The following CRY2 variants were observed in gnomAD, a reference collection of about 807,000 sequenced individuals.
CRY2 encodes the protein cryptochrome circadian regulator 2, also known as cryptochrome-2.
In CRY2, 31 loss-of-function variants were observed where a neutral mutation model predicts 69.5. The observed-to-expected ratio is 0.45, with a 90% confidence interval of 0.34 to 0.60. The LOEUF is 0.60. CRY2 is among the 20% of genes least tolerant of loss of function. CRY2 has a pLI of 0.02. For missense variants in CRY2, 606 were observed against 797.8 expected, an observed-to-expected ratio of 0.76 and a Z score of 2.90; for synonymous variants, 303 against 312.2, an observed-to-expected ratio of 0.97 and a Z score of 0.31.
rs747206003 is a variant in CRY2, at chr11:45,860,959, G to C, written c.579G>C (p.Gln193His). 1 of 1,614,142 alleles carries C rather than the reference G, an allele frequency of 6.2e-7. No individual in the cohort carries two copies. Among genetic ancestry groups the C allele is most frequent in the South Asian group, 1.1e-5 (1 of 91,084 alleles). Reference sequence around the variant, plus strand: ...CAGTGGGCTTGGTGACCAGCCAGCAGATGGAGAGCTGCAGGGCCGAGATCC... The same window carrying C: ...CAGTGGGCTTGGTGACCAGCCAGCACATGGAGAGCTGCAGGGCCGAGATCC... ...KKPVGLVTSQ[Q>H]MESCRAEIQE... is the part of the protein sequence containing the mutation. The change falls in exon 4 of 12, where the codon CAG (glutamine) becomes CAC (histidine). Residue 193 changes from glutamine (Q) to histidine (H), a missense_variant. Around this residue, in one of 5 missense-constraint regions of CRY2, gnomAD observed 382 missense variants for 508.9 expected, o/e 0.75. Transcript: ENST00000616080.
chr11:45,859,412 AT>A (rs1347734875), intron 3 of CRY2, among the ~76,000 whole-genome samples: 1 of 152,060 alleles, frequency 6.6e-6, no homozygotes, highest in East Asian at 1.9e-4. Flanking sequence ...AAATAAATAT[AT>A]TAGCCATGCA....
At chr11:45,853,538 A>G (rs1040394416) in intron 1 of CRY2, among the ~76,000 whole-genome samples, 1 of 152,186 alleles carries the variant, frequency 6.6e-6, no homozygotes, top group African/African-American at 2.4e-5. Context: ...GTGCATTCCA[A>G]CCTTATTTAT....
intron 3 of CRY2, 99 bp from the exon 4 acceptor site, chr11:45,860,749 A>G (rs2086281109): frequency 1.5e-6 from 2 of 1,369,604 alleles, no homozygotes; most frequent in African/African-American, 2.9e-5. Context: ...GAGGAAAGCC[A>G]CCCTCAAAGC....
At chr11:45,865,430 T>C (rs944443153) in intron 5 of CRY2, among the ~76,000 whole-genome samples, 5 of 152,214 alleles carry the variant, frequency 3.3e-5, no homozygotes, top group African/African-American at 1.2e-4. Context: ...CAAGTTTCAT[T>C]TAAAATAAAA....
At chr11:45,878,032 T>C (rs919658720) in intron 11 of CRY2, among the ~76,000 whole-genome samples, 3 of 152,226 alleles carry the variant, frequency 2.0e-5, no homozygotes, top group Non-Finnish European at 4.4e-5. Context: ...GGTGCCGAAG[T>C]CAACATATGT....
chr11:45,861,162 C>A, intron 4 of CRY2, 130 bp downstream of exon 4: 1 of 983,650 alleles, frequency 1.0e-6, no homozygotes, highest in Non-Finnish European at 1.5e-6. Flanking sequence ...AAATGGCAGT[C>A]ACTATTACTC....
chr11:45,877,731 A>AT (rs962522210), intron 11 of CRY2, among the ~76,000 whole-genome samples: 2 of 151,850 alleles, frequency 1.3e-5, no homozygotes, highest in African/African-American at 4.8e-5. Flanking sequence ...TGCTATCATC[A>AT]TTTTTTTGCA....
At chr11:45,863,374 T>C (rs2086303524) in intron 5 of CRY2, among the ~76,000 whole-genome samples, 1 of 152,002 alleles carries the variant, frequency 6.6e-6, no homozygotes, top group African/African-American at 2.4e-5. Flanking sequence ...GGATGTCCCT[T>C]AGGTCACCGA....
chr11:45,848,233 C>T (rs1482425196), intron 1 of CRY2, among the ~76,000 whole-genome samples: 1 of 152,162 alleles, frequency 6.6e-6, no homozygotes, highest in Non-Finnish European at 1.5e-5. Context: ...ACCGTCCTGC[C>T]TCTAGGGGTG....
At chr11:45,859,002 G>A (rs975661296) in intron 3 of CRY2, 129 bp downstream of exon 3, 3 of 1,169,730 alleles carry the variant, frequency 2.6e-6, no homozygotes, top group Non-Finnish European at 3.6e-6. Context: ...TCTTCTAGAA[G>A]CTGGAGGAGA....
intron 11 of CRY2, among the ~76,000 whole-genome samples, chr11:45,872,666 T>C (rs2086395421): frequency 6.6e-6 from 1 of 152,164 alleles, no homozygotes; most frequent in Non-Finnish European, 1.5e-5. Flanking sequence ...CATTCTGACT[T>C]TTATCAGAGA....
intron 3 of CRY2, among the ~76,000 whole-genome samples, chr11:45,860,345 C>G (rs1211579502): frequency 7.0e-6 from 1 of 143,322 alleles, no homozygotes; most frequent in South Asian, 2.2e-4. Context: ...GATGATTTTC[C>G]AAGAAAGGAA....
chr11:45,882,954 T>C lies in CRY2; in HGVS notation c.*2043T>C, dbSNP rs962841593. On this transcript the variant is annotated 3_prime_UTR_variant, in exon 12 of 12. Coordinates refer to ENST00000616080, the MANE Select transcript of CRY2 (RefSeq NM_021117.5). ...GCCCGTTCCCAGATCAACCTGCCAG[T>C]GGAGTCAGGCAGTGCACTCCTGGAG... 13 of 375,382 alleles carry C rather than the reference T, an allele frequency of 3.5e-5. No homozygotes were observed. The highest frequency in any genetic ancestry group is 2.7e-4 in the African/African-American group (13 of 48,108). The allele number at this position is 375,382 out of a possible 1,614,324, so 23.3% of individuals were successfully genotyped here.
intron 5 of CRY2, 80 bp downstream of exon 5, chr11:45,862,228 T>C: frequency 9.1e-6 from 12 of 1,324,898 alleles, no homozygotes; most frequent in Non-Finnish European, 1.2e-5. Context: ...CCATGTCCTT[T>C]AGTCCCTCTT....
rs1459440087 is a variant in CRY2 at position 45,860,885 on chromosome 11, T to C, written c.505T>C (p.Tyr169His). 6.2e-7 allele frequency: 1 copy of C among 1,614,132 alleles called. No individual in the cohort carries two copies. Among genetic ancestry groups the C allele is most frequent in the Non-Finnish European group, 8.5e-7 (1 of 1,180,024 alleles). The change falls in exon 4 of 12, where the codon TAC becomes CAC. Residue 169 changes from tyrosine to histidine, a missense_variant. By Grantham distance (83) the Tyr-to-His change is moderately conservative. This residue lies in a region of CRY2 where 382 missense variants were observed against 508.9 expected (regional missense o/e 0.75). Transcript: ENST00000616080. ...ELNGQKPPLTYKRFQAIISRM... is the reference protein window; with the variant it reads ...ELNGQKPPLTHKRFQAIISRM... ...GAATGGGCAGAAGCCACCCCTTACA[T>C]ACAAGCGCTTTCAGGCCATCATCAG...
chr11:45,872,357 CT>C, intron 11 of CRY2, 124 bp downstream of exon 11: 1 of 855,126 alleles, frequency 1.2e-6, no homozygotes, highest in Non-Finnish European at 1.8e-6. Flanking sequence ...CCACCCAATG[CT>C]CAGCCACTAA....
intron 11 of CRY2, among the ~76,000 whole-genome samples, chr11:45,880,185 C>T (rs1041132641): frequency 5.3e-5 from 8 of 152,278 alleles, no homozygotes; most frequent in African/African-American, 1.9e-4. Flanking sequence ...CACATTTAAA[C>T]TGCACAAACT....
chr11:45,863,331 T>G (rs981570666), intron 5 of CRY2, among the ~76,000 whole-genome samples: 1 of 152,120 alleles, frequency 6.6e-6, no homozygotes, highest in Non-Finnish European at 1.5e-5. Flanking sequence ...CATCTATGGT[T>G]AGTTTTTATC....
chr11:45,872,447 C>T (rs930569296), intron 11 of CRY2, among the ~76,000 whole-genome samples: 1 of 152,024 alleles, frequency 6.6e-6, no homozygotes, highest in African/African-American at 2.4e-5. Context: ...ATCTGTGTGA[C>T]CTTTACCATT....
Sources: allele counts gnomAD v4.1 joint callset (sites outside exome capture counted in the v4.1 genomes callset), GRCh38; gene constraint gnomAD v4.1.1; regional missense constraint gnomAD v4.1.1; transcripts MANE v1.5; gene names NCBI Gene and HGNC (gene_info 2026-07-23, HGNC 2026-07-21).